LCT: variants seen among roughly 807,000 people sequenced by gnomAD.
LCT encodes lactase, also known as lactase/phlorizin hydrolase.
Under a neutral mutation model 173.0 loss-of-function variants are expected in LCT, and 90 were observed. That is an observed-to-expected ratio of 0.52 (90% CI 0.44 to 0.62). LCT has a LOEUF of 0.62. Among genes scored for constraint, LCT ranks in the 20% least tolerant of loss-of-function variants. The probability of loss-of-function intolerance (pLI) is 0.00; values close to 1 mark genes in which losing one functional copy is unlikely to be tolerated. For missense variants in LCT, 1,864 were observed against 2,431.4 expected (o/e 0.77, Z 4.91); for synonymous variants, 853 against 957.6 (o/e 0.89, Z 2.02).
rs781776398 is a variant in LCT at position 135,808,542 on chromosome 2, T to C, written c.3805A>G (p.Ile1269Val). 5.5e-5 allele frequency: 89 copies of C among 1,614,038 alleles called. No homozygotes were observed. In the South Asian group the frequency reaches 7.2e-4, roughly 13 times the overall value. The change falls in exon 8 of 17, where the codon ATT becomes GTT. Residue 1269 changes from isoleucine (I) to valine (V), a missense_variant. Transcript: ENST00000264162. The stretch of plus-strand genomic sequence containing the variant: ...CCCACTCCGTTTTCGGTGATGTAAA[T>C]GGGGATGTCACCATACTCTTCCTTG... ...WIKEEYGDIP[I>V]YITENGVGLT... is the part of the protein sequence containing the mutation.
chr2:135,797,244 G>T (rs565851446), intron 13 of LCT, among the ~76,000 whole-genome samples: 2 of 152,124 alleles, frequency 1.3e-5, no homozygotes, highest in African/African-American at 4.8e-5. Flanking sequence ...CACCGCACCC[G>T]GCCTGGGAGC....
Position 135,789,817 on chromosome 2 carries a change from C to T in LCT, c.5336-19G>A. 1 of 1,602,968 alleles carries T rather than the reference C, an allele frequency of 6.2e-7. No homozygotes were observed. The highest frequency in any genetic ancestry group is 8.5e-7 in the Non-Finnish European group (1 of 1,169,830). On this transcript the variant is annotated intron_variant, in intron 15 of 16. Coordinates refer to ENST00000264162, the MANE Select transcript of LCT (RefSeq NM_002299.4). ...TGCACAGCTGCTCAAACACAGAGGA[C>T]TAGGCATAAGTTTCCTATCTCATAA...
In LCT at chr2:135,794,700, G is replaced by C. The variant is rs1471526322; in HGVS notation, c.5052C>G (p.Thr1684=). ...TYDFFGFNHY[T]TVLAYNLNYA... is the part of the protein sequence containing the mutation. ...AGTTGAGGTTGTAGGCGAGGACAGTGGTGTAGTGATTGAACCCAAAAAAGT... is the reference window on the plus strand; with the variant it reads ...AGTTGAGGTTGTAGGCGAGGACAGTCGTGTAGTGATTGAACCCAAAAAAGT... The change falls in exon 14 of 17, where the codon ACC becomes ACG. Residue 1684 remains threonine (T), a synonymous_variant. Coordinates refer to ENST00000264162, the MANE Select transcript of LCT (RefSeq NM_002299.4). 1 of 1,614,044 alleles carries C rather than the reference G, an allele frequency of 6.2e-7. No individual in the cohort carries two copies. The highest frequency in any genetic ancestry group is 8.5e-7 in the Non-Finnish European group (1 of 1,179,896).
chr2:135,799,400 G>T (rs1435211129), intron 12 of LCT, among the ~76,000 whole-genome samples: 1 of 152,118 alleles, frequency 6.6e-6, no homozygotes, highest in Non-Finnish European at 1.5e-5. Flanking sequence ...CGTGAACGAG[G>T]ATCATTCTTT....
chr2:135,788,200 G>T lies in LCT; in HGVS notation c.*124C>A. On this transcript the variant is annotated 3_prime_UTR_variant, in exon 17 of 17. Coordinates refer to ENST00000264162, the MANE Select transcript of LCT (RefSeq NM_002299.4). ...ATTCAAGATTAAAGTCATCTCTAAC[G>T]GTGCAGCAGGACTTTATGGAGAAGT... is the stretch of plus-strand genomic sequence containing the variant. The T allele has an allele frequency of 1.3e-6, 1 of 748,820 alleles. No homozygotes were observed. The highest frequency in any genetic ancestry group is 2.4e-6 in the Non-Finnish European group (1 of 420,998). 46.4% of individuals were successfully genotyped at this position (748,820 alleles called of 1,614,324 possible). A position where few individuals can be genotyped will look rare whatever the true frequency, so the allele number is the denominator to read the frequency against.
intron 6 of LCT, among the ~76,000 whole-genome samples, chr2:135,814,666 G>A (rs996417659): frequency 9.2e-5 from 14 of 151,886 alleles, no homozygotes; most frequent in African/African-American, 2.9e-4. Context: ...ACAGGTGCCC[G>A]CCACCATGCC....
chr2:135,797,197 C>T (rs1392067581), intron 13 of LCT, among the ~76,000 whole-genome samples: 6 of 152,174 alleles, frequency 3.9e-5, no homozygotes, highest in Non-Finnish European at 8.8e-5. Flanking sequence ...ATCCGCCCAC[C>T]TTGGCCTCCC....
chr2:135,812,913 T>G lies in LCT; in HGVS notation c.1751A>C (p.His584Pro). Reference sequence around the variant, plus strand: ...CTGTGGGCGATGATGGCTGTTGTAGTGGTGCCAAGTTCTGGCATGAGCCTT... The same window carrying G: ...CTGTGGGCGATGATGGCTGTTGTAGGGGTGCCAAGTTCTGGCATGAGCCTT... ...VLKAHARTWH[H>P]YNSHHRPQQQ... is the part of the protein sequence containing the mutation. Residue 584 changes from histidine (H) to proline (P), a missense_variant, in exon 7 of 17, where the codon CAC becomes CCC. Physicochemically the swap from His to Pro is moderately conservative, Grantham distance 77 (BLOSUM62 -2). Transcript: ENST00000264162. The G allele has an allele frequency of 6.2e-7, 1 of 1,614,214 alleles. No homozygotes were observed. The highest frequency in any genetic ancestry group is 8.5e-7 in the Non-Finnish European group (1 of 1,180,042).
chr2:135,805,848 C>T (rs931941380), intron 9 of LCT, among the ~76,000 whole-genome samples: 1 of 152,126 alleles, frequency 6.6e-6, no homozygotes, highest in African/African-American at 2.4e-5. Context: ...GTGCTCATGT[C>T]AATAAATCTA....
chr2:135,794,925 C>CA, intron 13 of LCT, 150 bp from the exon 14 acceptor site: 1 of 779,966 alleles, frequency 1.3e-6, no homozygotes. Context: ...AGAGGTCCTT[C>CA]AGGCGGTGCA....
intron 11 of LCT, among the ~76,000 whole-genome samples, chr2:135,801,102 A>AT (rs973909908): frequency 1.3e-5 from 2 of 152,226 alleles, no homozygotes; most frequent in Non-Finnish European, 2.9e-5. Context: ...TGTGTCTGGA[A>AT]GAGGGAAGGC....
At position 135,788,094 on chromosome 2, in the gene LCT, A is replaced by G. The variant is rs749324196; in HGVS notation, c.*230T>C. 1.9e-4 allele frequency: 105 copies of G among 567,508 alleles called. No individual in the cohort carries two copies. Among genetic ancestry groups the G allele is most frequent in the Non-Finnish European group, 2.5e-5 (8 of 317,032 alleles). The allele number at this position is 567,508 out of a possible 1,614,324, so 35.2% of individuals were successfully genotyped here. A position where few individuals can be genotyped will look rare whatever the true frequency, so the allele number is the denominator to read the frequency against. On this transcript the variant is annotated 3_prime_UTR_variant, in exon 17 of 17. Coordinates refer to ENST00000264162, the MANE Select transcript of LCT (RefSeq NM_002299.4). ...GTATCTACACGTTTCCGCAAGAGCT[A>G]CTTGCTTCTCAAATGCCCAAATGAA...
intron 6 of LCT, among the ~76,000 whole-genome samples, chr2:135,815,466 C>T (rs572032326): frequency 1.3e-5 from 2 of 152,252 alleles, no homozygotes; most frequent in South Asian, 2.1e-4. Context: ...ACTTGCTGCT[C>T]AAGAGCTGAA....
intron 13 of LCT, 49 bp from the exon 14 acceptor site, chr2:135,794,824 T>C (rs1338860151): frequency 6.2e-7 from 1 of 1,611,954 alleles, no homozygotes; most frequent in African/African-American, 1.3e-5. Context: ...GAGCCATGCT[T>C]TGAGAAGAGA....
intron 13 of LCT, among the ~76,000 whole-genome samples, chr2:135,795,604 C>CTAATAATTATTATAATAA (rs57023267): frequency 6.8e-6 from 1 of 146,078 alleles, no homozygotes; most frequent in South Asian, 2.2e-4. Context: ...TTCTCCAACT[C>CTAATAATTATTATAATAA]TAATAATAAT....
Position 135,804,815 on chromosome 2 carries a change from G to T in LCT, c.4416C>A (p.Tyr1472Ter). Residue 1472 changes from tyrosine (Y) to a stop codon, truncating the protein, a stop_gained, in exon 10 of 17, where the codon TAC (tyrosine) becomes TAA (stop). Transcript: ENST00000264162. LOFTEE classifies it high-confidence loss of function. Reference sequence around the variant, plus strand: ...GCAGTGTATCGATGAGCCTCACGTAGTAGTTCAGGCCCGCTTCATTGATGT... The same window carrying T: ...GCAGTGTATCGATGAGCCTCACGTATTAGTTCAGGCCCGCTTCATTGATGT... ...TRYINEAGLN[Y>*]YVRLIDTLLA... 1 of 1,613,782 alleles carries T rather than the reference G, an allele frequency of 6.2e-7. No homozygotes were observed. Among genetic ancestry groups the T allele is most frequent in the Non-Finnish European group, 8.5e-7 (1 of 1,180,052 alleles).
At position 135,822,002 on chromosome 2, in the gene LCT, T is replaced by C. The variant is rs766062684; in HGVS notation, c.986+18A>G. On this transcript the variant is annotated intron_variant, in intron 5 of 16. Transcript: ENST00000264162. Reference sequence around the variant, plus strand: ...CAAATATCAGTTATTGATAGTTCAATAGGCAACCTGACATTACCTTTTCTT... The same window carrying C: ...CAAATATCAGTTATTGATAGTTCAACAGGCAACCTGACATTACCTTTTCTT... 3.5e-6 allele frequency: 5 copies of C among 1,436,402 alleles called. No individual in the cohort carries two copies. The highest frequency in any genetic ancestry group is 4.9e-6 in the Non-Finnish European group (5 of 1,018,086). The allele number at this position is 1,436,402 out of a possible 1,614,324, so 89.0% of individuals were successfully genotyped here. A position where few individuals can be genotyped will look rare whatever the true frequency, so the allele number is the denominator to read the frequency against.
chr2:135,807,102 G>C, intron 9 of LCT, 26 bp downstream of exon 9: 8 of 1,613,456 alleles, frequency 5.0e-6, no homozygotes, highest in Non-Finnish European at 6.8e-6. Flanking sequence ...GCAGTCACTG[G>C]TGTCCCACCA....
intron 13 of LCT, among the ~76,000 whole-genome samples, chr2:135,797,664 G>T (rs1313004997): frequency 1.3e-5 from 2 of 152,154 alleles, no homozygotes; most frequent in African/African-American, 4.8e-5. Flanking sequence ...GCAGACCATC[G>T]CCACCTGCTG....
Sources: gnomAD v4.1 joint callset for allele counts (sites outside exome capture counted in the v4.1 genomes callset) on GRCh38, gnomAD v4.1.1 for gene constraint, MANE v1.5 for transcripts, NCBI Gene and HGNC (gene_info 2026-07-23, HGNC 2026-07-21) for gene names.